RYK: variants seen among roughly 807,000 people sequenced by gnomAD.
RYK encodes the protein inactive tyrosine-protein kinase RYK.
A neutral mutation model predicts 70.2 loss-of-function variants in RYK; 21 were observed. The observed-to-expected ratio is 0.30, with a 90% CI of 0.21 to 0.43. The LOEUF (loss-of-function observed/expected upper bound fraction) is 0.43, where lower values mean the gene tolerates loss of function less well. Ranked by LOEUF, RYK falls within the 20% of genes least tolerant of loss-of-function variation. RYK has a pLI of 1.00. For synonymous variants in RYK, 267 were observed against 278.0 expected (o/e 0.96, Z 0.39); for missense variants, 604 against 753.3 (o/e 0.80, Z 2.32).
At position 134,157,875 on chromosome 3, in the gene RYK, T is replaced by A; in HGVS notation, c.*278A>T. On this transcript the variant is annotated 3_prime_UTR_variant, in exon 15 of 15. Transcript: ENST00000623711. ...AAACTGTTTATTTATTTTGTAAGAA[T>A]GTACCCCTAGTCCAAAGTAAGTATG... The A allele has an allele frequency of 3.5e-6, 1 of 283,274 alleles. No individual in the cohort carries two copies. The highest frequency in any genetic ancestry group is 6.5e-6 in the Non-Finnish European group (1 of 154,334). The allele number at this position is 283,274 out of a possible 1,614,324, so 17.5% of individuals were successfully genotyped here.
chr3:134,160,071 C>G (rs905425522), intron 13 of RYK, among the ~76,000 whole-genome samples: 10 of 152,204 alleles, frequency 6.6e-5, no homozygotes, highest in African/African-American at 2.4e-4. Context: ...GGGAAGGACT[C>G]AGATCCGGTA....
In RYK at chr3:134,233,027, A is replaced by C. The variant is rs1042587112; in HGVS notation, c.233-10488T>G. ...GAGCATTCCCATCCTTTGCACAGCA[A>C]GCTGCACTTACTCTGGTGCCCACCT... On this transcript the variant is annotated intron_variant, in intron 1 of 14. Coordinates refer to ENST00000623711, the MANE Select transcript of RYK (RefSeq NM_002958.4). Among the ~76,000 whole-genome samples, 17 of 152,362 alleles carry C rather than the reference A, an allele frequency of 1.1e-4. No individual in the cohort carries two copies. In the East Asian group the frequency reaches 3.3e-3, roughly 29 times the overall value.
chr3:134,158,523 TA>T (rs1251036407), intron 14 of RYK, among the ~76,000 whole-genome samples: 1 of 152,178 alleles, frequency 6.6e-6, no homozygotes, highest in African/African-American at 2.4e-5. Flanking sequence ...TGTAAAAACC[TA>T]AAACACAGTA....
intron 13 of RYK, among the ~76,000 whole-genome samples, chr3:134,159,952 G>A (rs575009463): frequency 2.6e-5 from 4 of 152,280 alleles, no homozygotes; most frequent in African/African-American, 4.8e-5. Flanking sequence ...TTCATGGTCC[G>A]TTCGGGGCTC....
At chr3:134,236,636 C>G (rs911766090) in intron 1 of RYK, among the ~76,000 whole-genome samples, 1 of 152,140 alleles carries the variant, frequency 6.6e-6, no homozygotes, top group African/African-American at 2.4e-5. Flanking sequence ...TTAAAAAGAA[C>G]ATAGTTGGAG....
At chr3:134,229,677 AT>A (rs914935192) in intron 1 of RYK, among the ~76,000 whole-genome samples, 2 of 151,954 alleles carry the variant, frequency 1.3e-5, no homozygotes, top group Non-Finnish European at 2.9e-5. Flanking sequence ...ATGTTGGTTA[AT>A]TTTTTTTAAT....
intron 1 of RYK, among the ~76,000 whole-genome samples, chr3:134,249,626 C>T (rs1233155120): frequency 2.0e-5 from 3 of 152,082 alleles, no homozygotes; most frequent in Non-Finnish European, 4.4e-5. Context: ...CCCCAAACAA[C>T]AAAGCTAAGC....
intron 2 of RYK, among the ~76,000 whole-genome samples, chr3:134,220,161 T>C (rs2014693605): frequency 6.6e-6 from 1 of 152,126 alleles, no homozygotes; most frequent in Non-Finnish European, 1.5e-5. Context: ...TCTACAAAAT[T>C]ACTGGCCTGT....
chr3:134,188,382 G>C (rs927792648), intron 9 of RYK, among the ~76,000 whole-genome samples: 2 of 151,824 alleles, frequency 1.3e-5, no homozygotes, highest in African/African-American at 4.8e-5. Flanking sequence ...GGCTGGTCTC[G>C]AACTCCTGAC....
At chr3:134,213,023 C>G (rs560496503) in intron 2 of RYK, among the ~76,000 whole-genome samples, 1 of 152,290 alleles carries the variant, frequency 6.6e-6, no homozygotes, top group South Asian at 2.1e-4. Flanking sequence ...TCAGTGACTT[C>G]GAGGTACCTT....
chr3:134,201,257 T>G (rs190433277), intron 6 of RYK, among the ~76,000 whole-genome samples: 71 of 152,352 alleles, frequency 4.7e-4, no homozygotes, highest in Non-Finnish European at 8.8e-4. Flanking sequence ...TCGTATCCCT[T>G]TTCTCTTCTT....
At position 134,222,493 on chromosome 3, in the gene RYK, G is replaced by T; in HGVS notation, c.279C>A (p.His93Gln). 6.2e-7 allele frequency: 1 copy of T among 1,613,264 alleles called. No homozygotes were observed. The highest frequency in any genetic ancestry group is 8.5e-7 in the Non-Finnish European group (1 of 1,179,354). Reference sequence around the variant, plus strand: ...CTAACAGACTAAAGGATAGAGCGTAGTGACTAATAAGGTCATTTCTCACAT... The same window carrying T: ...CTAACAGACTAAAGGATAGAGCGTATTGACTAATAAGGTCATTTCTCACAT... The part of the protein sequence containing the change: ...LYYVRNDLIS[H>Q]YALSFSLLVP... The change falls in exon 2 of 15, where the codon CAC becomes CAA. Residue 93 changes from histidine (H) to glutamine (Q), a missense_variant. Physicochemically the swap from His to Gln is conservative, Grantham distance 24 (BLOSUM62 0). Around this residue, in one of 2 missense-constraint regions of RYK, gnomAD observed 466 missense variants for 535.9 expected, o/e 0.87. Coordinates refer to ENST00000623711, the MANE Select transcript of RYK (RefSeq NM_002958.4).
At chr3:134,167,405 C>A (rs921628068) in intron 13 of RYK, among the ~76,000 whole-genome samples, 4 of 152,112 alleles carry the variant, frequency 2.6e-5, no homozygotes, top group Non-Finnish European at 5.9e-5. Context: ...GAGATATAGA[C>A]CAATGGAACA....
chr3:134,246,301 AAT>A (rs71807032), intron 1 of RYK, among the ~76,000 whole-genome samples: 31,196 of 103,326 alleles, frequency 0.3, 5,442 homozygotes, highest in Middle Eastern at 0.48. Flanking sequence ...CTCAGAAAGA[AAT>A]ACACACACAC....
intron 13 of RYK, among the ~76,000 whole-genome samples, chr3:134,167,969 C>A (rs574400042): frequency 6.6e-4 from 101 of 152,262 alleles, no homozygotes; most frequent in African/African-American, 2.4e-3. Context: ...AGGATATGAA[C>A]AGATACTTCT....
chr3:134,167,408 A>G (rs2012711624), intron 13 of RYK, among the ~76,000 whole-genome samples: 1 of 152,226 alleles, frequency 6.6e-6, no homozygotes, highest in South Asian at 2.1e-4. Flanking sequence ...ATATAGACCA[A>G]TGGAACAGAA....
At chr3:134,236,833 C>A (rs565410455) in intron 1 of RYK, among the ~76,000 whole-genome samples, 13 of 152,162 alleles carry the variant, frequency 8.5e-5, no homozygotes, top group Admixed American at 3.3e-4. Context: ...GGAAAGCAGA[C>A]AAGAACAAGA....
At chr3:134,204,954 A>G (rs2014169674) in intron 5 of RYK, among the ~76,000 whole-genome samples, 1 of 152,236 alleles carries the variant, frequency 6.6e-6, no homozygotes, top group East Asian at 1.9e-4. Context: ...AGTAATTCAG[A>G]GAGACAGCAC....
chr3:134,193,209 A>T (rs1181170606), intron 7 of RYK, among the ~76,000 whole-genome samples: 1 of 150,648 alleles, frequency 6.6e-6, no homozygotes, highest in Non-Finnish European at 1.5e-5. Flanking sequence ...TTTGAGACGG[A>T]GTCTCACTCT....
Sources: gnomAD v4.1 joint callset for allele counts (sites outside exome capture counted in the v4.1 genomes callset) on GRCh38, gnomAD v4.1.1 for gene constraint, gnomAD v4.1.1 regional missense constraint, MANE v1.5 for transcripts, NCBI Gene and HGNC (gene_info 2026-07-23, HGNC 2026-07-21) for gene names.